Variants in RPS6KA2 observed in about 807,000 individuals in gnomAD.
RPS6KA2 encodes ribosomal protein S6 kinase alpha-2.
RPS6KA2 carries 42 observed loss-of-function variants against 91.8 expected under a neutral mutation model. The ratio of observed to expected loss-of-function variants is 0.46; its 90% CI spans 0.36 to 0.59. The LOEUF (loss-of-function observed/expected upper bound fraction) is 0.59, where lower values mean the gene tolerates loss of function less well. RPS6KA2 is among the 20% of genes least tolerant of loss of function. RPS6KA2 has a pLI of 0.00. For synonymous variants in RPS6KA2, 414 were observed against 393.6 expected, an observed-to-expected ratio of 1.05 and a Z score of -0.61; for missense variants, 798 against 978.5, an observed-to-expected ratio of 0.82 and a Z score of 2.46.
chr6:166,539,285 G>C (rs1249919036), intron 1 of RPS6KA2, among the ~76,000 whole-genome samples: 1 of 152,316 alleles, frequency 6.6e-6, no homozygotes, highest in East Asian at 1.9e-4. Context: ...GGCCTTCATG[G>C]TTTCTTTTCT....
intron 2 of RPS6KA2, among the ~76,000 whole-genome samples, chr6:166,689,909 G>A (rs569588617): frequency 6.6e-6 from 1 of 152,354 alleles, no homozygotes; most frequent in East Asian, 1.9e-4. Context: ...CCAAGTGGCA[G>A]GAAGCAAAGC....
intron 2 of RPS6KA2, among the ~76,000 whole-genome samples, chr6:166,706,524 C>T (rs546644369): frequency 2.0e-4 from 30 of 152,204 alleles, no homozygotes; most frequent in Non-Finnish European, 3.2e-4. Context: ...CTTCTGGAAG[C>T]GTCCCCTGCC....
chr6:166,768,536 G>A (rs556613552), intron 2 of RPS6KA2, among the ~76,000 whole-genome samples: 33 of 152,250 alleles, frequency 2.2e-4, no homozygotes, highest in African/African-American at 7.5e-4. Context: ...AGGAGTTTCA[G>A]CAGGAGACTG....
At chr6:166,610,197 G>A (rs191753168) in intron 1 of RPS6KA2, among the ~76,000 whole-genome samples, 120 of 152,334 alleles carry the variant, frequency 7.9e-4, no homozygotes, top group African/African-American at 2.8e-3. Context: ...CGTGAGGCAC[G>A]TCATTTGATC....
chr6:166,531,350 GACTTCAA>G (rs756438611), intron 2 of RPS6KA2, 37 bp from the exon 3 acceptor site: 1 of 1,490,284 alleles, frequency 6.7e-7, no homozygotes, highest in Admixed American at 1.7e-5. Context: ...AAACCCGTAA[GACTTCAA>G]ACTCGCTTTC....
intron 2 of RPS6KA2, among the ~76,000 whole-genome samples, chr6:166,670,121 T>C (rs559165363): frequency 1.9e-4 from 29 of 152,370 alleles, no homozygotes; most frequent in African/African-American, 6.5e-4. Flanking sequence ...GTGGAGAATG[T>C]ACACTTCCAG....
At chr6:166,647,926 A>G (rs1312446291) in intron 2 of RPS6KA2, among the ~76,000 whole-genome samples, 2 of 150,496 alleles carry the variant, frequency 1.3e-5, no homozygotes, top group Non-Finnish European at 3.0e-5. Context: ...ATGCTCACAC[A>G]CACGCACATG....
upstream of RPS6KA2, chr6:166,628,109 G>C (rs1196452236): frequency 6.6e-6 from 1 of 152,296 alleles, no homozygotes; most frequent in Non-Finnish European, 1.5e-5. Flanking sequence ...CAGGGCCCGC[G>C]CTGGGAATAC....
intron 2 of RPS6KA2, among the ~76,000 whole-genome samples, chr6:166,833,832 A>G (rs1780247382): frequency 6.6e-6 from 1 of 152,196 alleles, no homozygotes; most frequent in African/African-American, 2.4e-5. Context: ...GTCCACATTC[A>G]GGCATTTTCA....
At chr6:166,791,375 G>A (rs903288766) in intron 2 of RPS6KA2, among the ~76,000 whole-genome samples, 3 of 152,028 alleles carry the variant, frequency 2.0e-5, no homozygotes, top group Non-Finnish European at 4.4e-5. Context: ...CAAGTCCTGA[G>A]TGACCTACAA....
chr6:166,793,266 G>C (rs1360280816), intron 2 of RPS6KA2, among the ~76,000 whole-genome samples: 2 of 147,620 alleles, frequency 1.4e-5, no homozygotes, highest in African/African-American at 2.5e-5. Flanking sequence ...GCTTCAAAGA[G>C]AATAAAATAC....
chr6:166,521,530 G>C (rs931485260), intron 3 of RPS6KA2, among the ~76,000 whole-genome samples: 1 of 152,242 alleles, frequency 6.6e-6, no homozygotes, highest in African/African-American at 2.4e-5. Context: ...CTTTCGGAAA[G>C]AAAATGTCTG....
At chr6:166,787,355 T>A (rs1054969969) in intron 2 of RPS6KA2, among the ~76,000 whole-genome samples, 1 of 152,126 alleles carries the variant, frequency 6.6e-6, no homozygotes, top group African/African-American at 2.4e-5. Flanking sequence ...AGTTATGAAA[T>A]GTTAAGAGAA....
At chr6:166,700,584 T>C (rs1789480367) in intron 2 of RPS6KA2, among the ~76,000 whole-genome samples, 1 of 152,214 alleles carries the variant, frequency 6.6e-6, no homozygotes. Context: ...GTCAACACCG[T>C]TCAGCACTTC....
chr6:166,804,272 G>C (rs1481211045), intron 2 of RPS6KA2, among the ~76,000 whole-genome samples: 1 of 151,952 alleles, frequency 6.6e-6, no homozygotes, highest in East Asian at 1.9e-4. Context: ...TTCAATGAGA[G>C]GTGTAGGCAT....
At chr6:166,516,622 C>T (rs73788006) in intron 3 of RPS6KA2, among the ~76,000 whole-genome samples, 19,230 of 152,308 alleles carry the variant, frequency 0.13, 1,531 homozygotes, top group South Asian at 0.24. Flanking sequence ...GGCTCTGCCA[C>T]GCCCTAGACT....
At chr6:166,803,821 T>C (rs968792633) in intron 2 of RPS6KA2, among the ~76,000 whole-genome samples, 5 of 152,242 alleles carry the variant, frequency 3.3e-5, no homozygotes, top group African/African-American at 1.2e-4. Flanking sequence ...ATAGCTATGT[T>C]TCTAAGCCAT....
rs1054310882 is a variant in RPS6KA2 at position 166,726,081 on chromosome 6, C to T, written c.123+132119G>A. ...GAACCTTTATGATTCTGTGAAAACACGTGGCTTTTAGGTCCTACAGAAATG... is the reference window on the plus strand; with the variant it reads ...GAACCTTTATGATTCTGTGAAAACATGTGGCTTTTAGGTCCTACAGAAATG... On this transcript the variant is annotated intron_variant, in intron 2 of 21. Coordinates refer to the RPS6KA2 transcript ENST00000503859. This position sits in a 1 kb window ranked among gnomAD's most constrained non-coding sequence, Gnocchi z 4.4. 3.3e-5 allele frequency among the ~76,000 whole-genome samples: 5 copies of T among 151,892 alleles called. No homozygotes were observed. The highest frequency in any genetic ancestry group is 2.1e-4 in the South Asian group (1 of 4,824).
chr6:166,457,300 G>A (rs1255546346), intron 12 of RPS6KA2, among the ~76,000 whole-genome samples: 2 of 152,206 alleles, frequency 1.3e-5, no homozygotes, highest in African/African-American at 4.8e-5. Context: ...GGCAGGGGCA[G>A]GAGGGAATCC....
Sources: allele counts gnomAD v4.1 joint callset (sites outside exome capture counted in the v4.1 genomes callset), GRCh38; gene constraint gnomAD v4.1.1; non-coding constraint Gnocchi (gnomAD v3.1); transcripts MANE v1.5; gene names NCBI Gene and HGNC (gene_info 2026-07-23, HGNC 2026-07-21).